Variants in TXNDC5 observed in about 807,000 individuals in gnomAD.
The protein encoded by TXNDC5 is thioredoxin domain containing 5.
In TXNDC5, 44 loss-of-function variants were observed where a neutral mutation model predicts 52.6. The ratio of observed to expected loss-of-function variants is 0.84; its 90% confidence interval spans 0.66 to 1.08. The LOEUF (loss-of-function observed/expected upper bound fraction) is 1.08. Among genes scored for constraint, TXNDC5 ranks in the 50% least tolerant of loss-of-function variants. The pLI is 0.00. For missense variants in TXNDC5, 600 were observed against 565.5 expected (o/e 1.06, Z -0.62); for synonymous variants, 241 against 234.4 (o/e 1.03, Z -0.26).
At chr6:7,890,651 C>T (rs1053142411) in intron 5 of TXNDC5, among the ~76,000 whole-genome samples, 2 of 152,088 alleles carry the variant, frequency 1.3e-5, no homozygotes, top group Admixed American at 1.3e-4. Flanking sequence ...CTGATAATAA[C>T]ATGTATAATT....
chr6:7,896,897 T>G (rs1210710092), intron 3 of TXNDC5, among the ~76,000 whole-genome samples: 1 of 152,216 alleles, frequency 6.6e-6, no homozygotes, highest in Admixed American at 6.5e-5. Context: ...TAAGCTGATA[T>G]GGTGCTTAAG....
At chr6:7,909,691 G>C (rs1760848484) in intron 1 of TXNDC5, 2 of 830,738 alleles carry the variant, frequency 2.4e-6, no homozygotes, top group Non-Finnish European at 2.9e-6. Context: ...CTGAGCTGCA[G>C]GGGGGCGGAG....
chr6:7,888,812 G>A lies in TXNDC5; in HGVS notation c.856C>T (p.Leu286=). Reference sequence around the variant, plus strand: ...AGCTGCGACTCCACGTACTCCCTCAGTGACTCCAAATCCCGCTTTCCCTTG... The same window carrying A: ...AGCTGCGACTCCACGTACTCCCTCAATGACTCCAAATCCCGCTTTCCCTTG... The part of the protein sequence containing the change: ...QYKGKRDLES[L]REYVESQLQR... The change falls in exon 7 of 10, where the codon CTG becomes TTG. Residue 286 remains leucine, a synonymous_variant. Transcript: ENST00000379757. The A allele has an allele frequency of 1.2e-6, 2 of 1,614,060 alleles. No homozygotes were observed. Among genetic ancestry groups the A allele is most frequent in the Non-Finnish European group, 1.7e-6 (2 of 1,179,976 alleles).
intron 3 of TXNDC5, among the ~76,000 whole-genome samples, chr6:7,895,764 G>A (rs1271472331): frequency 6.6e-6 from 1 of 152,080 alleles, no homozygotes; most frequent in Non-Finnish European, 1.5e-5. Flanking sequence ...GCTGAGGCAA[G>A]AGGACTGCTT....
At chr6:7,890,116 T>G (rs572278087) in intron 5 of TXNDC5, among the ~76,000 whole-genome samples, 6 of 152,226 alleles carry the variant, frequency 3.9e-5, no homozygotes, top group Non-Finnish European at 7.3e-5. Flanking sequence ...CCGTCCTTAA[T>G]TTTATAAACT....
rs1326827095 is a variant in TXNDC5, at chr6:7,902,720, CTG to C, written c.413+1852_413+1853del. Among the ~76,000 whole-genome samples, 7 of 152,328 alleles carry C rather than the reference CTG, an allele frequency of 4.6e-5. No homozygotes were observed. In the East Asian group the frequency reaches 1.4e-3, roughly 29 times the overall value. On this transcript the variant is annotated intron_variant, in intron 2 of 9. Transcript: ENST00000379757. The stretch of plus-strand genomic sequence containing the variant: ...ATGGTCACAGAGGTTCCTTCCCAAA[CTG>C]TGTTCAGTGTGGTGTACGTTCATTT...
intron 4 of TXNDC5, among the ~76,000 whole-genome samples, chr6:7,892,719 A>G (rs1033157756): frequency 6.6e-6 from 1 of 152,236 alleles, no homozygotes; most frequent in East Asian, 1.9e-4. Flanking sequence ...TGATATCCAT[A>G]TAAGATGTGA....
chr6:7,895,863 T>A (rs916292879), intron 3 of TXNDC5, among the ~76,000 whole-genome samples: 2 of 152,034 alleles, frequency 1.3e-5, no homozygotes, highest in African/African-American at 4.8e-5. Flanking sequence ...CATGGTGACG[T>A]GCGCCTGTGG....
intron 9 of TXNDC5, among the ~76,000 whole-genome samples, 194 bp downstream of exon 9, chr6:7,884,165 A>G (rs535726950): frequency 1.9e-4 from 29 of 152,308 alleles, no homozygotes; most frequent in Admixed American, 1.8e-3. Context: ...TACTAACTAC[A>G]AAGCGGGCGA....
At chr6:7,884,655 C>G (rs1171431799) in intron 8 of TXNDC5, among the ~76,000 whole-genome samples, 167 bp from the exon 9 acceptor site, 1 of 152,216 alleles carries the variant, frequency 6.6e-6, no homozygotes, top group East Asian at 1.9e-4. Flanking sequence ...ACTCTTCCTC[C>G]TCCTATCCCA....
At position 7,883,025 on chromosome 6, in the gene TXNDC5, G is replaced by A. The variant is rs751062028; in HGVS notation, c.*119C>T. ...CACACACACAAAGAAGATACCTCAC[G>A]CTTAGTATGTTCTGCTTTCTGAACA... On this transcript the variant is annotated 3_prime_UTR_variant, in exon 10 of 10. Coordinates refer to ENST00000379757, the MANE Select transcript of TXNDC5 (RefSeq NM_030810.5). 1.4e-5 allele frequency: 19 copies of A among 1,366,426 alleles called. No individual in the cohort carries two copies. The highest frequency in any genetic ancestry group is 2.5e-4 in the Middle Eastern group (1 of 3,942). The allele number at this position is 1,366,426 out of a possible 1,614,324, so 84.6% of individuals were successfully genotyped here. A position where few individuals can be genotyped will look rare whatever the true frequency, so the allele number is the denominator to read the frequency against.
chr6:7,891,316 A>T (rs1216020796), intron 5 of TXNDC5, among the ~76,000 whole-genome samples: 1 of 152,138 alleles, frequency 6.6e-6, no homozygotes, highest in Non-Finnish European at 1.5e-5. Context: ...TCCAGTGAAC[A>T]TTCTACAAGG....
Position 7,884,446 on chromosome 6 carries a change from G to A in TXNDC5, c.1089C>T (p.Leu363=). The A allele has an allele frequency of 1.2e-6, 2 of 1,614,084 alleles. No homozygotes were observed. Among genetic ancestry groups the A allele is most frequent in the Non-Finnish European group, 1.7e-6 (2 of 1,179,998 alleles). ...CKTLAPTWEE[L]SKKEFPGLAG... ...CCAGACCAGGGAATTCCTTTTTAGA[G>A]AGTTCCTCCCAAGTAGGAGCCAGAG... Residue 363 remains leucine (L), a synonymous_variant, in exon 9 of 10, where the codon CTC becomes CTT. Coordinates refer to ENST00000379757, the MANE Select transcript of TXNDC5 (RefSeq NM_030810.5).
In TXNDC5 at chr6:7,910,503, C is replaced by T; in HGVS notation, c.263+11G>A. Reference sequence around the variant, plus strand: ...AAGTGCGGGGCAGGGCGCCGGCCTGCGCGGCGTTACCAGGGCGCGAAGAAC... The same window carrying T: ...AAGTGCGGGGCAGGGCGCCGGCCTGTGCGGCGTTACCAGGGCGCGAAGAAC... On this transcript the variant is annotated intron_variant, in intron 1 of 9. Transcript: ENST00000379757. 2 of 1,428,888 alleles carry T rather than the reference C, an allele frequency of 1.4e-6. No individual in the cohort carries two copies. The highest frequency in any genetic ancestry group is 1.3e-5 in the South Asian group (1 of 77,040). 88.5% of individuals were successfully genotyped at this position (1,428,888 alleles called of 1,614,324 possible).
intron 1 of TXNDC5, among the ~76,000 whole-genome samples, chr6:7,905,415 A>G (rs888619146): frequency 2.6e-5 from 4 of 151,904 alleles, no homozygotes; most frequent in East Asian, 1.9e-4. Flanking sequence ...TGAGAAGGGG[A>G]AAAAAAAAGT....
intron 2 of TXNDC5, among the ~76,000 whole-genome samples, chr6:7,902,141 C>G (rs1376102395): frequency 6.6e-6 from 1 of 152,194 alleles, no homozygotes; most frequent in African/African-American, 2.4e-5. Flanking sequence ...CAGGACGAGG[C>G]AAGGGAGGAT....
At chr6:7,904,158 G>A (rs1055969100) in intron 2 of TXNDC5, among the ~76,000 whole-genome samples, 6 of 152,066 alleles carry the variant, frequency 3.9e-5, no homozygotes, top group African/African-American at 1.2e-4. Context: ...AAGTATCATC[G>A]TCTGTCAGAC....
At chr6:7,907,764 C>T (rs1760783723) in intron 1 of TXNDC5, among the ~76,000 whole-genome samples, 1 of 152,194 alleles carries the variant, frequency 6.6e-6, no homozygotes, top group African/African-American at 2.4e-5. Flanking sequence ...CTCAGCCTTA[C>T]AACTTACCAA....
intron 6 of TXNDC5, 83 bp downstream of exon 6, chr6:7,889,412 C>CT: frequency 8.6e-7 from 1 of 1,169,344 alleles, no homozygotes; most frequent in Non-Finnish European, 1.2e-6. Flanking sequence ...TGGCAATTCA[C>CT]TGTGCCCATT....
Sources: allele counts gnomAD v4.1 joint callset (sites outside exome capture counted in the v4.1 genomes callset), GRCh38; gene constraint gnomAD v4.1.1; transcripts MANE v1.5; gene names NCBI Gene and HGNC (gene_info 2026-07-23, HGNC 2026-07-21).